Variants in SEMA3A observed in about 807,000 individuals in gnomAD.
SEMA3A encodes semaphorin-3A.
A neutral mutation model predicts 97.9 loss-of-function variants in SEMA3A; 29 were observed. The ratio of observed to expected loss-of-function variants is 0.30; its 90% CI spans 0.22 to 0.40. The LOEUF is 0.40. SEMA3A is among the 10% of genes least tolerant of loss of function. The pLI, the probability that SEMA3A is intolerant of heterozygous loss-of-function variation, is 1.00. For missense variants in SEMA3A, 763 were observed against 951.3 expected, an observed-to-expected ratio of 0.80 and a Z score of 2.60; for synonymous variants, 321 against 323.7, an observed-to-expected ratio of 0.99 and a Z score of 0.09.
chr7:84,318,316 G>GT (rs1239086084), intron 2 of SEMA3A, among the ~76,000 whole-genome samples: 2 of 129,926 alleles, frequency 1.5e-5, no homozygotes, highest in African/African-American at 6.3e-5. Context: ...ATGATTTCTT[G>GT]GTTTTTTTTT....
intron 12 of SEMA3A, among the ~76,000 whole-genome samples, chr7:83,999,992 T>A (rs1442534555): frequency 6.6e-6 from 1 of 152,142 alleles, no homozygotes; most frequent in Admixed American, 6.6e-5. Context: ...ATTCTTTAAT[T>A]TCTTGTATTT....
At chr7:84,158,794 T>G (rs1045991081) in intron 1 of SEMA3A, among the ~76,000 whole-genome samples, 11 of 151,724 alleles carry the variant, frequency 7.3e-5, no homozygotes, top group African/African-American at 2.7e-4. Flanking sequence ...CACTTGCAAA[T>G]TGTTGTGATG....
chr7:84,475,436 T>G (rs2116420069), intron 1 of SEMA3A, among the ~76,000 whole-genome samples: 1 of 152,274 alleles, frequency 6.6e-6, no homozygotes, highest in East Asian at 1.9e-4. Flanking sequence ...TTCCTTAAAT[T>G]TTTAACATTT....
intron 1 of SEMA3A, among the ~76,000 whole-genome samples, chr7:84,160,565 TAAAAACAAACAAACAAAA>T (rs1234860167): frequency 6.8e-6 from 1 of 146,056 alleles, no homozygotes; most frequent in Non-Finnish European, 1.5e-5. Context: ...AAGAAATAAA[TAAAAACAAACAAACAAAA>T]AAATTCCATA....
At chr7:84,006,063 C>T (rs901445117) in intron 10 of SEMA3A, among the ~76,000 whole-genome samples, 12 of 152,018 alleles carry the variant, frequency 7.9e-5, no homozygotes, top group African/African-American at 2.4e-4. Context: ...ATTACAAATG[C>T]ATGTAATGAA....
chr7:84,254,995 T>A (rs1799686605), intron 3 of SEMA3A, among the ~76,000 whole-genome samples: 1 of 152,126 alleles, frequency 6.6e-6, no homozygotes, highest in African/African-American at 2.4e-5. Context: ...AGTTCTAGTT[T>A]TTGACTGCTG....
intron 1 of SEMA3A, among the ~76,000 whole-genome samples, chr7:84,143,480 T>C (rs1025354405): frequency 5.0e-5 from 7 of 140,232 alleles, no homozygotes; most frequent in Non-Finnish European, 7.8e-5. Flanking sequence ...ATCATAGAGA[T>C]TGCATCCATA....
At chr7:84,177,728 T>C (rs1797613249) in intron 1 of SEMA3A, among the ~76,000 whole-genome samples, 1 of 152,098 alleles carries the variant, frequency 6.6e-6, no homozygotes, top group African/African-American at 2.4e-5. Flanking sequence ...AAGTATTAAC[T>C]GATTTATTTT....
At chr7:84,090,477 C>G (rs1427088793) in intron 4 of SEMA3A, among the ~76,000 whole-genome samples, 1 of 152,056 alleles carries the variant, frequency 6.6e-6, no homozygotes, top group East Asian at 1.9e-4. Flanking sequence ...CATGTTCTCT[C>G]TGCAAGGAGG....
At chr7:84,029,156 TTTG>T (rs1365756977) in intron 6 of SEMA3A, among the ~76,000 whole-genome samples, 1 of 152,188 alleles carries the variant, frequency 6.6e-6, no homozygotes, top group Non-Finnish European at 1.5e-5. Context: ...TATAACTTTT[TTTG>T]TTATTTTACA....
intron 1 of SEMA3A, among the ~76,000 whole-genome samples, chr7:84,488,311 CGTAT>C (rs78558304): frequency 0.022 from 3,214 of 146,212 alleles, 48 homozygotes; most frequent in South Asian, 0.041. Context: ...TATGTTTCTT[CGTAT>C]ATACACACAC....
chr7:84,326,414 T>G (rs1158396702), intron 2 of SEMA3A, among the ~76,000 whole-genome samples: 10 of 152,070 alleles, frequency 6.6e-5, no homozygotes, highest in Admixed American at 6.6e-4. Flanking sequence ...CTGATTTGGG[T>G]TTTTGGATAT....
intron 3 of SEMA3A, among the ~76,000 whole-genome samples, chr7:84,201,425 G>GA (rs1798353705): frequency 6.6e-6 from 1 of 151,558 alleles, no homozygotes; most frequent in Non-Finnish European, 1.5e-5. Flanking sequence ...GCAATAGTTA[G>GA]AAAAAAAATG....
intron 1 of SEMA3A, among the ~76,000 whole-genome samples, chr7:84,416,639 T>A (rs945922569): frequency 2.0e-5 from 3 of 152,146 alleles, no homozygotes; most frequent in African/African-American, 7.2e-5. Flanking sequence ...GGTTTGAAGT[T>A]GAAAAAACTC....
At chr7:84,242,011 T>C (rs1422089686) in intron 3 of SEMA3A, among the ~76,000 whole-genome samples, 2 of 152,186 alleles carry the variant, frequency 1.3e-5, no homozygotes, top group African/African-American at 4.8e-5. Context: ...ACCAACACCA[T>C]GCTGTTTTGG....
intron 4 of SEMA3A, among the ~76,000 whole-genome samples, chr7:84,107,494 A>C (rs1795147040): frequency 6.6e-6 from 1 of 152,220 alleles, no homozygotes; most frequent in Non-Finnish European, 1.5e-5. Context: ...TATCATGCAA[A>C]TCAAAATCAC....
In SEMA3A at chr7:84,191,761, C is replaced by G. The variant is rs1022897693; in HGVS notation, c.112+2714G>C. Among the ~76,000 whole-genome samples the G allele has an allele frequency of 4.0e-5, 6 of 151,872 alleles. No homozygotes were observed. The East Asian group carries it at 9.7e-4, about 24-fold the overall frequency. ...TGTAACTGCTGAGATTTACAGAGTTCTCACATTTTCTTCCCCCATAAGGAT... is the reference window on the plus strand; with the variant it reads ...TGTAACTGCTGAGATTTACAGAGTTGTCACATTTTCTTCCCCCATAAGGAT... On this transcript the variant is annotated intron_variant, in intron 1 of 16. Transcript: ENST00000265362.
intron 1 of SEMA3A, among the ~76,000 whole-genome samples, chr7:84,411,029 G>T (rs760518329): frequency 3.9e-5 from 6 of 152,012 alleles, no homozygotes; most frequent in Non-Finnish European, 7.4e-5. Context: ...ACTTTCAGTA[G>T]GTCAGTGTAT....
At chr7:84,342,571 C>A (rs181114035) in intron 2 of SEMA3A, among the ~76,000 whole-genome samples, 261 of 152,210 alleles carry the variant, frequency 1.7e-3, no homozygotes, top group African/African-American at 6.0e-3. Flanking sequence ...ATAAAGAGAA[C>A]CTTATACTCG....
Sources: allele counts gnomAD v4.1 joint callset (sites outside exome capture counted in the v4.1 genomes callset), GRCh38; gene constraint gnomAD v4.1.1; transcripts MANE v1.5; gene names NCBI Gene and HGNC (gene_info 2026-07-23, HGNC 2026-07-21).